The following TAF1 variants were observed in gnomAD, a reference collection of about 807,000 sequenced individuals.
TAF1 encodes the protein transcription initiation factor TFIID subunit 1.
A neutral mutation model predicts 138.5 loss-of-function variants in TAF1; 2 were observed. The observed-to-expected ratio is 0.01, with a 90% CI of 0.01 to 0.05. The LOEUF is 0.05. TAF1 is among the 10% of genes least tolerant of loss of function. The pLI is 1.00. For missense variants in TAF1, 709 were observed against 1,478.0 expected (o/e 0.48, Z 8.53); for synonymous variants, 437 against 503.2 (o/e 0.87, Z 1.76).
intron 29 of TAF1, among the ~76,000 whole-genome samples, chrX:71,421,706 A>G (rs1225084390): frequency 2.7e-5 from 3 of 112,267 alleles, no homozygotes; most frequent in Non-Finnish European, 5.6e-5. Flanking sequence ...AGACCAGTCA[A>G]TGTTTTAGGA....
intron 28 of TAF1, among the ~76,000 whole-genome samples, chrX:71,420,975 G>A (rs2036313767): frequency 8.9e-6 from 1 of 112,573 alleles, no homozygotes; most frequent in Admixed American, 9.3e-5. Context: ...CCAGCCGCCC[G>A]CTGCCGCCTG....
At chrX:71,421,287 A>G (rs1360777659) in intron 28 of TAF1, 22 bp from the exon 29 acceptor site, 1 of 1,196,763 alleles carries the variant, frequency 8.4e-7, no homozygotes, top group South Asian at 1.8e-5. Flanking sequence ...TAGTGGTTTC[A>G]TCTCTTTCTG....
chrX:71,438,485 A>G (rs2037256602), intron 32 of TAF1, among the ~76,000 whole-genome samples: 1 of 111,621 alleles, frequency 9.0e-6, no homozygotes, highest in Non-Finnish European at 1.9e-5. Flanking sequence ...GACTTCTTTT[A>G]TGAATATGTA....
At chrX:71,406,189 C>T (rs1475170688) in intron 25 of TAF1, among the ~76,000 whole-genome samples, 2 of 109,510 alleles carry the variant, frequency 1.8e-5, no homozygotes, top group African/African-American at 3.3e-5. Context: ...ATTAGCTGTG[C>T]GTGGTGGTGG....
At chrX:71,374,407 T>C (rs2033321423) in intron 3 of TAF1, among the ~76,000 whole-genome samples, 1 of 111,924 alleles carries the variant, frequency 8.9e-6, no homozygotes, top group Non-Finnish European at 1.9e-5. Flanking sequence ...ATATATGTTA[T>C]AGCAATTGAC....
intron 4 of TAF1, 63 bp from the exon 5 acceptor site, chrX:71,376,887 T>G: frequency 1.7e-6 from 2 of 1,186,146 alleles, no homozygotes; most frequent in Admixed American, 2.3e-5. Flanking sequence ...AGTGGGTGTT[T>G]GCGGAATTCG....
In TAF1 at chrX:71,457,374, TC is replaced by T. The variant is rs761683123; in HGVS notation, c.4939-866del. Among the ~76,000 whole-genome samples, 8 of 112,906 alleles carry T rather than the reference TC, an allele frequency of 7.1e-5. No individual in the cohort carries two copies. In the South Asian group the frequency reaches 2.9e-3, roughly 41 times the overall value. On this transcript the variant is annotated intron_variant, in intron 34 of 37. Coordinates refer to ENST00000423759, the MANE Select transcript of TAF1 (RefSeq NM_004606.5). Reference sequence around the variant, plus strand: ...GCCAGTGTGAATATTTTTATTTCTTTCATATCTGTAGCGTATGTATTTGTGT... The same window carrying T: ...GCCAGTGTGAATATTTTTATTTCTTTATATCTGTAGCGTATGTATTTGTGT...
chrX:71,496,807 CTCTCTTTCTG>C (rs1043330309), intron 13 of TAF1, among the ~76,000 whole-genome samples: 2 of 111,535 alleles, frequency 1.8e-5, no homozygotes, highest in African/African-American at 6.5e-5. Context: ...TTCTCTGTCT[CTCTCTTTCTG>C]TCTCTCCCCC....
intron 23 of TAF1, 55 bp downstream of exon 23, chrX:71,397,521 C>T (rs777929284): frequency 1.5e-5 from 18 of 1,180,554 alleles, no homozygotes; most frequent in East Asian, 9.0e-5. Flanking sequence ...TCTTGCTCTG[C>T]GGCCCAGGTG....
At chrX:71,503,877 C>T (rs1166218803) in intron 13 of TAF1, among the ~76,000 whole-genome samples, 1 of 110,341 alleles carries the variant, frequency 9.1e-6, no homozygotes, top group Non-Finnish European at 1.9e-5. Context: ...TCTTTTTCTT[C>T]TCCTCCTCCT....
At chrX:71,412,866 A>G (rs1373255466) in intron 28 of TAF1, among the ~76,000 whole-genome samples, 2 of 112,563 alleles carry the variant, frequency 1.8e-5, no homozygotes, top group Non-Finnish European at 3.8e-5. Flanking sequence ...GATTACAGGC[A>G]TGAACCACGC....
chrX:71,481,921 C>T (rs2039080089), intron 13 of TAF1, among the ~76,000 whole-genome samples: 1 of 112,145 alleles, frequency 8.9e-6, no homozygotes, highest in Non-Finnish European at 1.9e-5. Flanking sequence ...TAACAAAAAA[C>T]TTGACTTAAA....
At chrX:71,474,495 GTGAC>G (rs1043447117) in intron 13 of TAF1, among the ~76,000 whole-genome samples, 10 of 111,450 alleles carry the variant, frequency 9.0e-5, no homozygotes, top group African/African-American at 3.3e-4. Flanking sequence ...ACTGCATTTG[GTGAC>G]TGACTATTAT....
chrX:71,496,223 C>T (rs918528698), intron 13 of TAF1, among the ~76,000 whole-genome samples: 2 of 112,088 alleles, frequency 1.8e-5, no homozygotes, highest in African/African-American at 3.2e-5. Context: ...TAGATCTGGT[C>T]GGACCTTTGT....
chrX:71,405,379 T>G (rs1450527606), intron 25 of TAF1, among the ~76,000 whole-genome samples: 1 of 109,854 alleles, frequency 9.1e-6, no homozygotes, highest in African/African-American at 3.3e-5. Flanking sequence ...CCTTGTTGAT[T>G]TATTTTATAT....
intron 28 of TAF1, among the ~76,000 whole-genome samples, chrX:71,412,754 A>G (rs1266486929): frequency 8.9e-6 from 1 of 111,868 alleles, no homozygotes; most frequent in African/African-American, 3.2e-5. Flanking sequence ...ACGCCTGGCT[A>G]ATTTTTTGTA....
At chrX:71,495,906 C>T (rs34794428) in intron 13 of TAF1, among the ~76,000 whole-genome samples, 36 of 112,050 alleles carry the variant, frequency 3.2e-4, no homozygotes, top group African/African-American at 1.1e-3. Context: ...TAACTTTCAG[C>T]AAACTTTACT....
At chrX:71,388,923 T>G in intron 17 of TAF1, 55 bp downstream of exon 17, 1 of 1,147,369 alleles carries the variant, frequency 8.7e-7, no homozygotes, top group Non-Finnish European at 1.2e-6. Flanking sequence ...GTTTTTTTTT[T>G]TCTTCCCCCC....
chrX:71,368,306 C>A, intron 3 of TAF1, 136 bp downstream of exon 3: 1 of 574,470 alleles, frequency 1.7e-6, no homozygotes, highest in South Asian at 3.3e-5. Flanking sequence ...CCTCCACTCC[C>A]TTTGTCAGGT....
Sources: gnomAD v4.1 joint callset for allele counts (sites outside exome capture counted in the v4.1 genomes callset) on GRCh38, gnomAD v4.1.1 for gene constraint, MANE v1.5 for transcripts, NCBI Gene and HGNC (gene_info 2026-07-23, HGNC 2026-07-21) for gene names.